Variants in TEX9 observed in about 807,000 individuals in gnomAD.
TEX9 encodes the protein testis-expressed protein 9.
TEX9 carries 74 observed loss-of-function variants against 59.6 expected under a neutral mutation model. The ratio of observed to expected loss-of-function variants is 1.24; its 90% CI spans 1.03 to 1.51. The LOEUF (loss-of-function observed/expected upper bound fraction) is 1.51, where lower values mean the gene tolerates loss of function less well. Ranked by LOEUF, TEX9 falls within the 40% of genes most tolerant of loss-of-function variation. The probability of loss-of-function intolerance (pLI) is 0.00; values close to 1 mark genes in which losing one functional copy is unlikely to be tolerated. For synonymous variants in TEX9, 186 were observed against 152.2 expected, an observed-to-expected ratio of 1.22 and a Z score of -1.64; for missense variants, 522 against 447.8, an observed-to-expected ratio of 1.17 and a Z score of -1.49.
At chr15:56,380,426 TC>T (rs1313241505) in intron 3 of TEX9, among the ~76,000 whole-genome samples, 3 of 147,320 alleles carry the variant, frequency 2.0e-5, no homozygotes, top group African/African-American at 8.1e-5. Flanking sequence ...CATCATTTAG[TC>T]TTTCTACTTT....
At chr15:56,368,560 G>T (rs1159157041) in intron 2 of TEX9, among the ~76,000 whole-genome samples, 1 of 152,044 alleles carries the variant, frequency 6.6e-6, no homozygotes, top group East Asian at 1.9e-4. Context: ...TATTCAAGGG[G>T]ATTCTTTTTG....
chr15:56,385,774 T>C (rs958304830), intron 4 of TEX9, among the ~76,000 whole-genome samples: 2 of 152,102 alleles, frequency 1.3e-5, no homozygotes, highest in Admixed American at 1.3e-4. Flanking sequence ...CGCCTTCCAG[T>C]ATTCTAAGAT....
upstream of TEX9, among the ~76,000 whole-genome samples, chr15:56,363,972 G>T (rs748760137): frequency 6.6e-6 from 1 of 150,926 alleles, no homozygotes; most frequent in African/African-American, 2.4e-5. Flanking sequence ...ATGAGCCACT[G>T]CACCTACCTA....
intron 1 of TEX9, among the ~76,000 whole-genome samples, chr15:56,318,184 G>A (rs185927818): frequency 2.4e-4 from 37 of 151,972 alleles, no homozygotes; most frequent in African/African-American, 8.9e-4. Context: ...ATTTGTAATT[G>A]TTTTGTGTTT....
intron 1 of TEX9, among the ~76,000 whole-genome samples, chr15:56,287,123 A>G (rs1468761212): frequency 2.0e-5 from 3 of 152,214 alleles, no homozygotes; most frequent in African/African-American, 4.8e-5. Flanking sequence ...CGTTATGTCA[A>G]TAGGAGAACT....
At chr15:56,366,991 C>T (rs1567101202) in intron 2 of TEX9, among the ~76,000 whole-genome samples, 1 of 152,122 alleles carries the variant, frequency 6.6e-6, no homozygotes, top group Non-Finnish European at 1.5e-5. Context: ...TCAATCAAAA[C>T]GGTTATTTTC....
chr15:56,271,954 A>G (rs2044543715), intron 1 of TEX9, among the ~76,000 whole-genome samples: 1 of 152,062 alleles, frequency 6.6e-6, no homozygotes, highest in Non-Finnish European at 1.5e-5. Context: ...TCCCAGCTAC[A>G]CGGTGAAACC....
At chr15:56,302,528 A>G (rs2045386172) in intron 1 of TEX9, among the ~76,000 whole-genome samples, 1 of 152,160 alleles carries the variant, frequency 6.6e-6, no homozygotes, top group African/African-American at 2.4e-5. Flanking sequence ...CTCAAAAGCA[A>G]AATAAAACAA....
intron 1 of TEX9, among the ~76,000 whole-genome samples, chr15:56,264,670 A>G (rs902449869): frequency 6.6e-6 from 1 of 152,230 alleles, no homozygotes; most frequent in African/African-American, 2.4e-5. Context: ...TCTCTGAGAC[A>G]TGTGTGACCT....
intron 1 of TEX9, among the ~76,000 whole-genome samples, chr15:56,290,330 G>A (rs1327971869): frequency 6.6e-6 from 1 of 152,134 alleles, no homozygotes; most frequent in Non-Finnish European, 1.5e-5. Context: ...CTGTAGAACA[G>A]GCTGCTAGGG....
intron 1 of TEX9, among the ~76,000 whole-genome samples, chr15:56,307,391 T>TC (rs2045509226): frequency 6.6e-6 from 1 of 152,152 alleles, no homozygotes; most frequent in Non-Finnish European, 1.5e-5. Context: ...GTTTCCAATT[T>TC]CCCTCACTGG....
chr15:56,279,508 T>G (rs568613030), intron 1 of TEX9, among the ~76,000 whole-genome samples: 2 of 152,046 alleles, frequency 1.3e-5, no homozygotes, highest in South Asian at 4.1e-4. Context: ...CTAAAATGAG[T>G]TTGCTAATAG....
chr15:56,305,883 A>T (rs1197515034), intron 1 of TEX9, among the ~76,000 whole-genome samples: 1 of 152,194 alleles, frequency 6.6e-6, no homozygotes, highest in Non-Finnish European at 1.5e-5. Flanking sequence ...CTGACAAGGG[A>T]TTACTAACCA....
chr15:56,458,286 T>TA, the TEX9 span, among the ~76,000 whole-genome samples: 4,198 of 152,004 alleles, frequency 0.028, 79 homozygotes, highest in Non-Finnish European at 0.043. Context: ...TCCAGAGCCT[T>TA]AAAAAAAATA....
chr15:56,436,527 T>C (rs1350635625), intron 12 of TEX9, among the ~76,000 whole-genome samples: 24 of 152,086 alleles, frequency 1.6e-4, no homozygotes, highest in African/African-American at 5.1e-4. Flanking sequence ...ATTGACACCC[T>C]AACATCACAA....
At chr15:56,268,310 C>G (rs540241467) in intron 1 of TEX9, among the ~76,000 whole-genome samples, 25 of 152,104 alleles carry the variant, frequency 1.6e-4, no homozygotes, top group Non-Finnish European at 3.4e-4. Context: ...ATTGAATACC[C>G]TTTATTTCTT....
chr15:56,363,501 G>GT (rs1334527485), upstream of TEX9, among the ~76,000 whole-genome samples: 5 of 152,018 alleles, frequency 3.3e-5, no homozygotes, highest in African/African-American at 1.2e-4. Flanking sequence ...ATTCTAGTGG[G>GT]TGTCAAGTGG....
chr15:56,298,905 A>G (rs1288449901), intron 1 of TEX9, among the ~76,000 whole-genome samples: 1 of 152,250 alleles, frequency 6.6e-6, no homozygotes, highest in Non-Finnish European at 1.5e-5. Flanking sequence ...GATTACATGA[A>G]TAAATTTTTT....
At chr15:56,340,083 G>A (rs1296122961) in intron 1 of TEX9, among the ~76,000 whole-genome samples, 3 of 152,104 alleles carry the variant, frequency 2.0e-5, no homozygotes, top group Non-Finnish European at 4.4e-5. Flanking sequence ...ACGTCTTCAA[G>A]TATGGTACTA....
Sources: allele counts gnomAD v4.1 joint callset (sites outside exome capture counted in the v4.1 genomes callset), GRCh38; gene constraint gnomAD v4.1.1; transcripts MANE v1.5; gene names NCBI Gene and HGNC (gene_info 2026-07-23, HGNC 2026-07-21).